Variants in CD79A observed in about 807,000 individuals in gnomAD.
The protein encoded by CD79A is CD79a molecule, also known as B-cell antigen receptor complex-associated protein alpha chain.
A neutral mutation model predicts 27.4 loss-of-function variants in CD79A; 16 were observed. That is an observed-to-expected ratio of 0.58 (90% CI 0.40 to 0.89). The LOEUF (loss-of-function observed/expected upper bound fraction) is 0.89. Among genes scored for constraint, CD79A ranks in the 40% least tolerant of loss-of-function variants. CD79A has a pLI of 0.00. For synonymous variants in CD79A, 110 were observed against 132.7 expected, an observed-to-expected ratio of 0.83 and a Z score of 1.18; for missense variants, 237 against 299.7, an observed-to-expected ratio of 0.79 and a Z score of 1.55.
chr19:41,880,182 G>C (rs1393812398), intron 3 of CD79A, among the ~76,000 whole-genome samples: 3 of 150,934 alleles, frequency 2.0e-5, no homozygotes, highest in Admixed American at 6.6e-5. Context: ...GACCAGCCTG[G>C]GCAACACAGC....
chr19:41,879,364 G>A lies in CD79A; in HGVS notation c.379+75G>A. 6 of 1,437,328 alleles carry A rather than the reference G, an allele frequency of 4.2e-6. No homozygotes were observed. Among genetic ancestry groups the A allele is most frequent in the Non-Finnish European group, 5.7e-6 (6 of 1,045,024 alleles). The allele number at this position is 1,437,328 out of a possible 1,614,324, so 89.0% of individuals were successfully genotyped here. On this transcript the variant is annotated intron_variant, in intron 2 of 4. Coordinates refer to ENST00000221972, the MANE Select transcript of CD79A (RefSeq NM_001783.4). This position sits in a 1 kb window ranked among gnomAD's most constrained non-coding sequence, Gnocchi z 5.1. ...TCGGTTTATCTTTGAAGTGGGGATA[G>A]AGCCAGTACCTTCAATGTGGGTTTC...
rs371682469 is a variant in CD79A, at chr19:41,880,770, G to T, written c.567+32G>T. ...GAAGGGTGGGGATGGGGTAGGGGCA[G>T]TTGTGTTAGGGGTGGGGGTGTTCCC... On this transcript the variant is annotated intron_variant, in intron 4 of 4. Coordinates refer to ENST00000221972, the MANE Select transcript of CD79A (RefSeq NM_001783.4). 440 of 1,404,396 alleles carry T rather than the reference G, an allele frequency of 3.1e-4. No individual in the cohort carries two copies. The African/African-American group carries it at 4.6e-3, about 15-fold the overall frequency. 87.0% of individuals were successfully genotyped at this position (1,404,396 alleles called of 1,614,324 possible).
chr19:41,878,660 G>A lies in CD79A; in HGVS notation c.80-330G>A, dbSNP rs1357015337. On this transcript the variant is annotated intron_variant, in intron 1 of 4. Transcript: ENST00000221972. The surrounding 1 kb of genome is among the most constrained non-coding windows in gnomAD (Gnocchi z 4.3). ...TTCACAGGGCCAGAGTACAAAGTGG[G>A]TATGCGGGAGGGGGGCAAGAGATGG... Among the ~76,000 whole-genome samples, 2 of 152,078 alleles carry A rather than the reference G, an allele frequency of 1.3e-5. No individual in the cohort carries two copies. The highest frequency in any genetic ancestry group is 2.4e-5 in the African/African-American group (1 of 41,394).
rs1393922942 is a variant in CD79A at position 41,880,909 on chromosome 19, C to CG, written c.614dup (p.Leu206ProfsTer69). ...CTGCTCCATGTATGAGGACATCTCC[C>CG]GGGGCCTCCAGGGCACCTACCAGGA... On this transcript the variant is annotated frameshift_variant, in exon 5 of 5. Transcript: ENST00000221972. LOFTEE classifies it high-confidence loss of function. 1.2e-6 allele frequency: 2 copies of CG among 1,605,770 alleles called. No individual in the cohort carries two copies. The highest frequency in any genetic ancestry group is 1.3e-5 in the African/African-American group (1 of 74,766).
In CD79A at chr19:41,880,827, T is replaced by C. The variant is rs528310918; in HGVS notation, c.568-40T>C. ...GGTGGCTGGGGGCAGGGACCCCAGG[T>C]GTCAGGGTGCTGATGTTCGCTGCCT... On this transcript the variant is annotated intron_variant, in intron 4 of 4. Transcript: ENST00000221972. 6.5e-6 allele frequency: 10 copies of C among 1,527,706 alleles called. No homozygotes were observed. In the South Asian group the frequency reaches 9.4e-5, roughly 14 times the overall value. 94.6% of individuals were successfully genotyped at this position (1,527,706 alleles called of 1,614,324 possible).
Position 41,879,182 on chromosome 19 carries a change from T to C in CD79A, c.272T>C (p.Leu91Pro). ...CCGGGCGAGGACCCCAATGGTACGC[T>C]GATCATCCAGAATGTGAACAAGAGC... ...LGPGEDPNGTLIIQNVNKSHG... is the reference protein window; with the variant it reads ...LGPGEDPNGTPIIQNVNKSHG... The change falls in exon 2 of 5, where the codon CTG becomes CCG. Residue 91 changes from leucine (L) to proline (P), a missense_variant. Physicochemically the swap from Leu to Pro is moderately conservative, Grantham distance 98 (BLOSUM62 -3). Transcript: ENST00000221972. The surrounding 1 kb of genome is among the most constrained non-coding windows in gnomAD (Gnocchi z 5.1). The C allele has an allele frequency of 6.2e-7, 1 of 1,613,976 alleles. No homozygotes were observed. The highest frequency in any genetic ancestry group is 1.6e-4 in the Middle Eastern group (1 of 6,062).
chr19:41,879,237 G>T lies in CD79A; in HGVS notation c.327G>T (p.Gln109His), dbSNP rs782492918. 11 of 1,613,664 alleles carry T rather than the reference G, an allele frequency of 6.8e-6. No individual in the cohort carries two copies. The highest frequency in any genetic ancestry group is 9.3e-6 in the Non-Finnish European group (11 of 1,180,000). Reference sequence around the variant, plus strand: ...GGGGCATATACGTGTGCCGGGTCCAGGAGGGCAACGAGTCATACCAGCAGT... The same window carrying T: ...GGGGCATATACGTGTGCCGGGTCCATGAGGGCAACGAGTCATACCAGCAGT... Reference protein sequence around the residue: ...SHGGIYVCRVQEGNESYQQSC... With the variant: ...SHGGIYVCRVHEGNESYQQSC... Residue 109 changes from glutamine (Q) to histidine (H), a missense_variant, in exon 2 of 5, where the codon CAG becomes CAT. Physicochemically the swap from Gln to His is conservative, Grantham distance 24. Transcript: ENST00000221972. This position sits in a 1 kb window ranked among gnomAD's most constrained non-coding sequence, Gnocchi z 5.1.
Position 41,878,859 on chromosome 19 carries a change from G to GCT in CD79A, c.80-121_80-120dup, listed in dbSNP as rs2074203595. The stretch of plus-strand genomic sequence containing the variant: ...CAGGATGTATCAGCCCCTGTCAGGG[G>GCT]CTCTCTCTCTCCCTCCCCACCCAGG... On this transcript the variant is annotated intron_variant, in intron 1 of 4. Coordinates refer to ENST00000221972, the MANE Select transcript of CD79A (RefSeq NM_001783.4). The surrounding 1 kb of genome is among the most constrained non-coding windows in gnomAD (Gnocchi z 4.3). 6 of 705,380 alleles carry GCT rather than the reference G, an allele frequency of 8.5e-6. No homozygotes were observed. The highest frequency in any genetic ancestry group is 3.3e-5 in the South Asian group (2 of 59,706). The allele number at this position is 705,380 out of a possible 1,614,324, so 43.7% of individuals were successfully genotyped here.
At chr19:41,880,816 G>A in intron 4 of CD79A, 51 bp from the exon 5 acceptor site, 1 of 1,506,250 alleles carries the variant, frequency 6.6e-7, no homozygotes, top group Non-Finnish European at 9.1e-7. Context: ...GCTGGGGGCA[G>A]GGACCCCAGG....
chr19:41,880,222 TA>T (rs1157078784), intron 3 of CD79A, among the ~76,000 whole-genome samples: 3 of 150,602 alleles, frequency 2.0e-5, no homozygotes, highest in South Asian at 2.1e-4. Flanking sequence ...CACAAAGTCT[TA>T]AAAAAAAATT....
chr19:41,880,462 A>AAGGAAGGG, intron 3 of CD79A, among the ~76,000 whole-genome samples: 1 of 135,714 alleles, frequency 7.4e-6, no homozygotes, highest in Non-Finnish European at 1.6e-5. Flanking sequence ...GGAAGGAAGG[A>AAGGAAGGG]AGGAAGGAAG....
chr19:41,878,920 G>T lies in CD79A; in HGVS notation c.80-70G>T, dbSNP rs2074203884. On this transcript the variant is annotated intron_variant, in intron 1 of 4. Coordinates refer to ENST00000221972, the MANE Select transcript of CD79A (RefSeq NM_001783.4). The surrounding 1 kb of genome is among the most constrained non-coding windows in gnomAD (Gnocchi z 4.3). ...CCCTCTTCCCAGGAGTGCTGGAACTGCAGGGGCCAGGGCTGGGGAAATGTG... is the reference window on the plus strand; with the variant it reads ...CCCTCTTCCCAGGAGTGCTGGAACTTCAGGGGCCAGGGCTGGGGAAATGTG... 1.5e-6 allele frequency: 2 copies of T among 1,312,916 alleles called. No individual in the cohort carries two copies. Among genetic ancestry groups the T allele is most frequent in the East Asian group, 4.8e-5 (2 of 41,274 alleles). 81.3% of individuals were successfully genotyped at this position (1,312,916 alleles called of 1,614,324 possible).
rs1221821073 is a variant in CD79A at position 41,879,607 on chromosome 19, T to C, written c.452T>C (p.Ile151Thr). Residue 151 changes from isoleucine (I) to threonine (T), a missense_variant, in exon 3 of 5, where the codon ATC (isoleucine) becomes ACC (threonine). Transcript: ENST00000221972. The surrounding 1 kb of genome is among the most constrained non-coding windows in gnomAD (Gnocchi z 5.1). ...CGAATCATCACAGCCGAGGGGATCA[T>C]CCTCCTGTTCTGCGCGGTGGTGCCT... ...KNRIITAEGI[I>T]LLFCAVVPGT... The C allele has an allele frequency of 6.8e-6, 11 of 1,612,180 alleles. No homozygotes were observed. Among genetic ancestry groups the C allele is most frequent in the Non-Finnish European group, 9.3e-6 (11 of 1,179,348 alleles).
In CD79A at chr19:41,881,198, C is replaced by T. The variant is rs1473708369; in HGVS notation, c.*218C>T. On this transcript the variant is annotated 3_prime_UTR_variant, in exon 5 of 5. Coordinates refer to ENST00000221972, the MANE Select transcript of CD79A (RefSeq NM_001783.4). ...TCTTCTTCCCTCTAAACTGCCCCAC[C>T]TCCTAACCTAATCCCCCCGCCCCGC... The T allele has an allele frequency of 3.3e-6, 2 of 611,246 alleles. No individual in the cohort carries two copies. The highest frequency in any genetic ancestry group is 2.8e-5 in the East Asian group (1 of 36,070). 37.9% of individuals were successfully genotyped at this position (611,246 alleles called of 1,614,324 possible). A position where few individuals can be genotyped will look rare whatever the true frequency, so the allele number is the denominator to read the frequency against.
rs1555843625 is a variant in CD79A, at chr19:41,879,370, G to A, written c.379+81G>A. 5 of 1,409,804 alleles carry A rather than the reference G, an allele frequency of 3.5e-6. No homozygotes were observed. Among genetic ancestry groups the A allele is most frequent in the Admixed American group, 3.8e-5 (2 of 52,404 alleles). 87.3% of individuals were successfully genotyped at this position (1,409,804 alleles called of 1,614,324 possible). On this transcript the variant is annotated intron_variant, in intron 2 of 4. Transcript: ENST00000221972. The surrounding 1 kb of genome is among the most constrained non-coding windows in gnomAD (Gnocchi z 5.1). ...TATCTTTGAAGTGGGGATAGAGCCA[G>A]TACCTTCAATGTGGGTTTCAAACCG... is the stretch of plus-strand genomic sequence containing the variant.
rs1231387975 is a variant in CD79A, at chr19:41,881,046, C to A, written c.*66C>A. On this transcript the variant is annotated 3_prime_UTR_variant, in exon 5 of 5. Transcript: ENST00000221972. ...CCAGCTCCAGTGTCTCAGCTCACTT[C>A]CCTGGGACATTCTCCTTTCAGCCCT... 18 of 940,518 alleles carry A rather than the reference C, an allele frequency of 1.9e-5. No homozygotes were observed. The Admixed American group carries it at 3.0e-4, about 16-fold the overall frequency. 58.3% of individuals were successfully genotyped at this position (940,518 alleles called of 1,614,324 possible). A position where few individuals can be genotyped will look rare whatever the true frequency, so the allele number is the denominator to read the frequency against.
chr19:41,880,684 C>A lies in CD79A; in HGVS notation c.513C>A (p.Asn171Lys). ...CACCCCTACAGAAACGATGGCAGAACGAGAAGCTCGGGTTGGATGCCGGGG... is the reference window on the plus strand; with the variant it reads ...CACCCCTACAGAAACGATGGCAGAAAGAGAAGCTCGGGTTGGATGCCGGGG... ...TLLLFRKRWQ[N>K]EKLGLDAGDE... Residue 171 changes from asparagine (N) to lysine (K), a missense_variant, in exon 4 of 5, where the codon AAC (asparagine) becomes AAA (lysine). Asn to Lys is a moderately conservative substitution (Grantham distance 94). Coordinates refer to ENST00000221972, the MANE Select transcript of CD79A (RefSeq NM_001783.4). 2.7e-6 allele frequency: 3 copies of A among 1,110,802 alleles called. No homozygotes were observed. Among genetic ancestry groups the A allele is most frequent in the Non-Finnish European group, 3.7e-6 (3 of 818,684 alleles). The allele number at this position is 1,110,802 out of a possible 1,614,324, so 68.8% of individuals were successfully genotyped here.
chr19:41,877,494 G>A lies in CD79A; in HGVS notation c.79+111G>A. 1 of 889,714 alleles carries A rather than the reference G, an allele frequency of 1.1e-6. No individual in the cohort carries two copies. Among genetic ancestry groups the A allele is most frequent in the Non-Finnish European group, 1.9e-6 (1 of 537,034 alleles). The allele number at this position is 889,714 out of a possible 1,614,324, so 55.1% of individuals were successfully genotyped here. A position where few individuals can be genotyped will look rare whatever the true frequency, so the allele number is the denominator to read the frequency against. ...CAGGGAAAGGGGAAGAGGAGGCAGA[G>A]GATAGGGGACCCAGGGAAGATGCCT... On this transcript the variant is annotated intron_variant, in intron 1 of 4. Coordinates refer to ENST00000221972, the MANE Select transcript of CD79A (RefSeq NM_001783.4). This position sits in a 1 kb window ranked among gnomAD's most constrained non-coding sequence, Gnocchi z 4.1.
intron 3 of CD79A, among the ~76,000 whole-genome samples, chr19:41,880,342 C>G (rs1261679557): frequency 6.7e-6 from 1 of 149,614 alleles, no homozygotes; most frequent in African/African-American, 2.5e-5. Flanking sequence ...GATGTTGCCA[C>G]AGCACTTCAG....
Sources: gnomAD v4.1 joint callset for allele counts (sites outside exome capture counted in the v4.1 genomes callset) on GRCh38, gnomAD v4.1.1 for gene constraint, Gnocchi (gnomAD v3.1) non-coding constraint, MANE v1.5 for transcripts, NCBI Gene and HGNC (gene_info 2026-07-23, HGNC 2026-07-21) for gene names.